TAF1: variants seen among roughly 807,000 people sequenced by gnomAD.
TAF1 encodes the protein transcription initiation factor TFIID subunit 1.
Under a neutral mutation model 138.5 loss-of-function variants are expected in TAF1, and 2 were observed. That is an observed-to-expected ratio of 0.01 (90% CI 0.01 to 0.05). TAF1 has a LOEUF of 0.05. Among genes scored for constraint, TAF1 ranks in the 10% least tolerant of loss-of-function variants. The pLI is 1.00. For missense variants in TAF1, 709 were observed against 1,478.0 expected, an observed-to-expected ratio of 0.48 and a Z score of 8.53; for synonymous variants, 437 against 503.2, an observed-to-expected ratio of 0.87 and a Z score of 1.76.
intron 32 of TAF1, among the ~76,000 whole-genome samples, chrX:71,448,350 C>T (rs1269028827): frequency 8.9e-6 from 1 of 111,937 alleles, no homozygotes; most frequent in Non-Finnish European, 1.9e-5. Context: ...CCTGATTGCT[C>T]CAGAATGTAG....
At chrX:71,481,508 A>G (rs1261473357) in intron 13 of TAF1, among the ~76,000 whole-genome samples, 1 of 111,953 alleles carries the variant, frequency 8.9e-6, no homozygotes, top group African/African-American at 3.2e-5. Flanking sequence ...GATGGAAACT[A>G]TATGTCATTC....
chrX:71,506,454 A>G (rs781091069), intron 13 of TAF1, among the ~76,000 whole-genome samples: 10 of 107,854 alleles, frequency 9.3e-5, no homozygotes, highest in South Asian at 4.1e-4. Context: ...GGAGGCCGAC[A>G]TGGGCGGATC....
At chrX:71,461,288 G>A (rs2038541577) in intron 37 of TAF1, among the ~76,000 whole-genome samples, 1 of 111,743 alleles carries the variant, frequency 8.9e-6, no homozygotes, top group Non-Finnish European at 1.9e-5. Flanking sequence ...AGTTGTTGGG[G>A]AGTTGAGGCT....
In TAF1 at chrX:71,382,813, A is replaced by G. The variant is rs776175230; in HGVS notation, c.1718A>G (p.Tyr573Cys). 3.3e-6 allele frequency: 4 copies of G among 1,210,847 alleles called. No homozygotes were observed. In the Admixed American group the frequency reaches 6.6e-5, roughly 20 times the overall value. The change falls in exon 11 of 38, where the codon TAT (tyrosine) becomes TGT (cysteine). Residue 573 changes from tyrosine to cysteine, a missense_variant. Tyr to Cys is a radical substitution (Grantham distance 194). Transcript: ENST00000423759. ...KDPWNLSNDE[Y>C]YYPKQQGLRG... ...CCATGGAATCTCTCCAATGATGAGT[A>G]TTATTATCCCAAGCAACAGGGTCTT...
At chrX:71,386,589 C>T (rs1223674724) in intron 14 of TAF1, among the ~76,000 whole-genome samples, 1 of 111,931 alleles carries the variant, frequency 8.9e-6, no homozygotes, top group East Asian at 2.8e-4. Flanking sequence ...CTCAGCCTCC[C>T]AAGTAGATGG....
At position 71,481,616 on chromosome X, in the gene TAF1, G is replaced by A. The variant is rs762282541; in HGVS notation, c.1366+20813G>A. Among the ~76,000 whole-genome samples the A allele has an allele frequency of 1.4e-3, 152 of 111,563 alleles. 1 individual carries two copies. Among genetic ancestry groups the A allele is most frequent in the Non-Finnish European group, 2.3e-3 (120 of 52,981 alleles). ...TCTGTTGCCCAGGCTGGAGTGCAGT[G>A]GCACGATCTCGGCTCACTGCAACCT... is the stretch of plus-strand genomic sequence containing the variant. On this transcript the variant is annotated intron_variant and NMD_transcript_variant, in intron 13 of 14. Transcript: ENST00000373775.
chrX:71,379,128 T>TTTTTTTTTTTTTGGG (rs2033688728), intron 8 of TAF1, 97 bp downstream of exon 8: 1 of 774,755 alleles, frequency 1.3e-6, no homozygotes, highest in African/African-American at 2.3e-5. Flanking sequence ...TTTTTTTTTT[T>TTTTTTTTTTTTTGGG]CGGTGAGACA....
chrX:71,397,029 A>C, intron 22 of TAF1, among the ~76,000 whole-genome samples: 1 of 82,594 alleles, frequency 1.2e-5, no homozygotes, highest in Admixed American at 1.2e-4. Flanking sequence ...ATCCTGTCTC[A>C]AAAAAAAAAA....
intron 13 of TAF1, among the ~76,000 whole-genome samples, chrX:71,526,563 A>G: frequency 1.8e-5 from 2 of 112,127 alleles, no homozygotes; most frequent in Middle Eastern, 9.3e-3. Flanking sequence ...ACCTTAAAAT[A>G]ATTTGGAAAA....
At position 71,407,675 on chromosome X, in the gene TAF1, G is replaced by A; in HGVS notation, c.4206+3G>A. The A allele has an allele frequency of 1.7e-6, 2 of 1,201,735 alleles. No individual in the cohort carries two copies. The highest frequency in any genetic ancestry group is 2.3e-6 in the Non-Finnish European group (2 of 886,302). On this transcript the variant is annotated splice_donor_region_variant and intron_variant, in intron 27 of 37. Coordinates refer to ENST00000423759, the MANE Select transcript of TAF1 (RefSeq NM_004606.5). ...ATGACATGAGAGATCTTCCAAATGTGAGTTCATTGCATTGGATATCTATAG... is the reference window on the plus strand; with the variant it reads ...ATGACATGAGAGATCTTCCAAATGTAAGTTCATTGCATTGGATATCTATAG...
At chrX:71,455,308 C>A (rs2038229624) in intron 34 of TAF1, among the ~76,000 whole-genome samples, 1 of 111,401 alleles carries the variant, frequency 9.0e-6, no homozygotes, top group Non-Finnish European at 1.9e-5. Flanking sequence ...CACCCATTTT[C>A]CTGGATTGAC....
In TAF1 at chrX:71,459,718, A is replaced by G; in HGVS notation, c.5221+10A>G. On this transcript the variant is annotated intron_variant, in intron 36 of 37. Coordinates refer to ENST00000423759, the MANE Select transcript of TAF1 (RefSeq NM_004606.5). ...GACAATCCTTTCTCTGGTAGGCCTC[A>G]ACCATTGCTTCTATTCCTTTATAAC... 8.3e-7 allele frequency: 1 copy of G among 1,210,061 alleles called. No homozygotes were observed. The highest frequency in any genetic ancestry group is 1.1e-6 in the Non-Finnish European group (1 of 894,562).
At chrX:71,476,175 T>A (rs189157411) in intron 13 of TAF1, among the ~76,000 whole-genome samples, 3 of 111,959 alleles carry the variant, frequency 2.7e-5, no homozygotes, top group African/African-American at 6.5e-5. Context: ...TGAAAAGATA[T>A]CTTAAATTGA....
At chrX:71,386,257 G>T (rs1327932779) in intron 14 of TAF1, among the ~76,000 whole-genome samples, 1 of 110,925 alleles carries the variant, frequency 9.0e-6, no homozygotes, top group Non-Finnish European at 1.9e-5. Flanking sequence ...CTCAGTGATG[G>T]TCTTCCCTCT....
chrX:71,436,622 C>T (rs191485069), intron 32 of TAF1, among the ~76,000 whole-genome samples: 7 of 111,336 alleles, frequency 6.3e-5, no homozygotes, highest in Non-Finnish European at 1.3e-4. Flanking sequence ...GCTGGGATTA[C>T]AGGCATAAGC....
chrX:71,453,012 C>T (rs973571075), intron 32 of TAF1, among the ~76,000 whole-genome samples: 8 of 111,053 alleles, frequency 7.2e-5, no homozygotes, highest in Non-Finnish European at 9.5e-5. Context: ...ATGGCAGCAG[C>T]ACAGTCCAGC....
chrX:71,367,578 T>C lies in TAF1; in HGVS notation c.200T>C (p.Leu67Ser), dbSNP rs2032645404. The C allele has an allele frequency of 8.3e-7, 1 of 1,209,712 alleles. No individual in the cohort carries two copies. Among genetic ancestry groups the C allele is most frequent in the Non-Finnish European group, 1.1e-6 (1 of 895,229 alleles). ...ACTGAACTCACGGCAAATGAAGAAT[T>C]GACCGGGACTGACGGTGCCTTGGTA... ...LITELTANEE[L>S]TGTDGALVND... is the part of the protein sequence containing the mutation. Residue 67 changes from leucine (L) to serine (S), a missense_variant, in exon 2 of 38, where the codon TTG becomes TCG. Leu to Ser is a moderately radical substitution (Grantham distance 145, BLOSUM62 -2). Around this residue, in one of 14 missense-constraint regions of TAF1, gnomAD observed 123 missense variants for 161.6 expected, o/e 0.76. Transcript: ENST00000423759.
intron 13 of TAF1, among the ~76,000 whole-genome samples, chrX:71,500,688 C>T (rs1339849253): frequency 1.8e-5 from 2 of 110,555 alleles, no homozygotes; most frequent in Admixed American, 9.7e-5. Flanking sequence ...TGGACCTTAC[C>T]GACGCATTCT....
intron 32 of TAF1, among the ~76,000 whole-genome samples, chrX:71,436,867 G>A (rs1234366716): frequency 1.8e-5 from 2 of 111,258 alleles, no homozygotes; most frequent in Admixed American, 9.6e-5. Context: ...CCTTGTCCTC[G>A]AATAAATAAA....
Sources: gnomAD v4.1 joint callset for allele counts (sites outside exome capture counted in the v4.1 genomes callset) on GRCh38, gnomAD v4.1.1 for gene constraint, gnomAD v4.1.1 regional missense constraint, MANE v1.5 for transcripts, NCBI Gene and HGNC (gene_info 2026-07-23, HGNC 2026-07-21) for gene names.